Variants in SLC24A2 observed in about 807,000 individuals in gnomAD.
SLC24A2 encodes sodium/potassium/calcium exchanger 2.
SLC24A2 carries 36 observed loss-of-function variants against 62.0 expected under a neutral mutation model. The ratio of observed to expected loss-of-function variants is 0.58; its 90% CI spans 0.44 to 0.77. SLC24A2 has a LOEUF of 0.77. Among genes scored for constraint, SLC24A2 ranks in the 30% least tolerant of loss-of-function variants. SLC24A2 has a pLI of 0.00. For synonymous variants in SLC24A2, 358 were observed against 294.0 expected (o/e 1.22, Z -2.23); for missense variants, 846 against 817.9 (o/e 1.03, Z -0.42).
chr9:20,164,695 T>A, the SLC24A2 span, among the ~76,000 whole-genome samples: 1 of 151,958 alleles, frequency 6.6e-6, no homozygotes, highest in Non-Finnish European at 1.5e-5. Flanking sequence ...CTATGTTTAT[T>A]GTGGCACTAT....
the SLC24A2 span, among the ~76,000 whole-genome samples, chr9:19,986,705 G>C: frequency 6.6e-6 from 1 of 152,160 alleles, no homozygotes; most frequent in Non-Finnish European, 1.5e-5. Context: ...ATTACATATT[G>C]TATGATTCCA....
the SLC24A2 span, among the ~76,000 whole-genome samples, chr9:20,019,369 A>T: frequency 6.6e-6 from 1 of 152,118 alleles, no homozygotes; most frequent in Non-Finnish European, 1.5e-5. Context: ...AGATATAAGG[A>T]AGGGGTCCAG....
the SLC24A2 span, among the ~76,000 whole-genome samples, chr9:20,039,887 A>G: frequency 1.3e-5 from 2 of 152,218 alleles, no homozygotes; most frequent in Non-Finnish European, 2.9e-5. Flanking sequence ...ATATTCCTTC[A>G]TTTATTCATC....
the SLC24A2 span, among the ~76,000 whole-genome samples, chr9:20,118,497 G>A: frequency 6.6e-6 from 1 of 151,782 alleles, no homozygotes; most frequent in Non-Finnish European, 1.5e-5. Flanking sequence ...TGGACATTGT[G>A]GATTCACTTC....
At chr9:19,768,790 C>A (rs1822594971) in intron 2 of SLC24A2, among the ~76,000 whole-genome samples, 1 of 152,176 alleles carries the variant, frequency 6.6e-6, no homozygotes, top group Non-Finnish European at 1.5e-5. Context: ...AAAGGAGGGA[C>A]TACTGTGCTT....
chr9:19,842,575 T>C, the SLC24A2 span, among the ~76,000 whole-genome samples: 1 of 152,204 alleles, frequency 6.6e-6, no homozygotes, highest in Non-Finnish European at 1.5e-5. Flanking sequence ...CTCACAGAAA[T>C]TCTGCTTCTT....
the SLC24A2 span, among the ~76,000 whole-genome samples, chr9:20,058,784 T>C: frequency 2.0e-5 from 3 of 152,230 alleles, no homozygotes; most frequent in South Asian, 2.1e-4. Context: ...CACATACACA[T>C]GCATACATGC....
chr9:19,693,091 T>C (rs1820088404), intron 2 of SLC24A2, among the ~76,000 whole-genome samples: 1 of 152,134 alleles, frequency 6.6e-6, no homozygotes, highest in Admixed American at 6.6e-5. Flanking sequence ...TTTATTTATT[T>C]ACTTATTTAT....
chr9:20,075,475 T>C, the SLC24A2 span, among the ~76,000 whole-genome samples: 130 of 152,308 alleles, frequency 8.5e-4, 1 homozygote, highest in South Asian at 0.025. Flanking sequence ...CCCTAACTTG[T>C]GGATGGCCAA....
chr9:20,275,011 G>A, the SLC24A2 span, among the ~76,000 whole-genome samples: 1 of 152,114 alleles, frequency 6.6e-6, no homozygotes. Context: ...GATTAGGGGT[G>A]GACTCCTGAT....
the SLC24A2 span, among the ~76,000 whole-genome samples, chr9:20,262,124 C>T: frequency 6.6e-6 from 1 of 152,132 alleles, no homozygotes; most frequent in Non-Finnish European, 1.5e-5. Flanking sequence ...GAAAAGGCAG[C>T]CCCAAAAAGA....
the SLC24A2 span, among the ~76,000 whole-genome samples, chr9:20,027,758 T>C: frequency 6.6e-6 from 1 of 152,136 alleles, no homozygotes; most frequent in Non-Finnish European, 1.5e-5. Flanking sequence ...CTACAGATAA[T>C]GACAATATAT....
At chr9:19,546,033 C>G (rs1020880977) in intron 8 of SLC24A2, among the ~76,000 whole-genome samples, 2 of 152,216 alleles carry the variant, frequency 1.3e-5, no homozygotes, top group African/African-American at 4.8e-5. Flanking sequence ...CCAGAGGAGG[C>G]TGCAGAACAG....
At chr9:19,858,258 G>C in the SLC24A2 span, among the ~76,000 whole-genome samples, 4 of 152,148 alleles carry the variant, frequency 2.6e-5, no homozygotes, top group African/African-American at 9.7e-5. Context: ...GTGGGGAAAG[G>C]ACTACATATT....
chr9:19,900,660 C>A, the SLC24A2 span, among the ~76,000 whole-genome samples: 1 of 152,182 alleles, frequency 6.6e-6, no homozygotes, highest in African/African-American at 2.4e-5. Flanking sequence ...TAACTTACTA[C>A]TATGTCAAGC....
At chr9:19,832,438 T>C in the SLC24A2 span, among the ~76,000 whole-genome samples, 1 of 152,190 alleles carries the variant, frequency 6.6e-6, no homozygotes, top group Non-Finnish European at 1.5e-5. Flanking sequence ...AGTCATGTTG[T>C]GTAGACTAGA....
At chr9:20,011,299 A>T in the SLC24A2 span, among the ~76,000 whole-genome samples, 7 of 152,112 alleles carry the variant, frequency 4.6e-5, no homozygotes, top group Non-Finnish European at 8.8e-5. Flanking sequence ...AATGATCACC[A>T]TTCTAACTGG....
the SLC24A2 span, among the ~76,000 whole-genome samples, chr9:20,080,920 A>C: frequency 6.6e-6 from 1 of 152,294 alleles, no homozygotes; most frequent in East Asian, 1.9e-4. Flanking sequence ...AATCAAAACC[A>C]CAATGAGATA....
At chr9:19,952,225 G>A in the SLC24A2 span, among the ~76,000 whole-genome samples, 1 of 151,938 alleles carries the variant, frequency 6.6e-6, no homozygotes, top group Non-Finnish European at 1.5e-5. Context: ...GATTCCTTAA[G>A]CATTCTCTTC....
Sources: allele counts gnomAD v4.1 joint callset (sites outside exome capture counted in the v4.1 genomes callset), GRCh38; gene constraint gnomAD v4.1.1; transcripts MANE v1.5; gene names NCBI Gene and HGNC (gene_info 2026-07-23, HGNC 2026-07-21).